VEZF1: variants seen among roughly 807,000 people sequenced by gnomAD.
VEZF1 encodes the protein vascular endothelial zinc finger 1, also known as putative transcription factor DB1.
VEZF1 carries 5 observed loss-of-function variants against 44.1 expected under a neutral mutation model. That is an observed-to-expected ratio of 0.11 (90% CI 0.06 to 0.24). VEZF1 has a LOEUF of 0.24. VEZF1 is among the 10% of genes least tolerant of loss of function. VEZF1 has a pLI of 1.00. For missense variants in VEZF1, 358 were observed against 641.8 expected (o/e 0.56, Z 4.78); for synonymous variants, 236 against 233.1 (o/e 1.01, Z -0.11).
intron 1 of VEZF1, among the ~76,000 whole-genome samples, chr17:57,984,135 C>CA (rs2075275107): frequency 6.6e-6 from 1 of 152,194 alleles, no homozygotes; most frequent in African/African-American, 2.4e-5. Flanking sequence ...CCCAAACTCT[C>CA]AAAGACAGAC....
intron 5 of VEZF1, among the ~76,000 whole-genome samples, chr17:57,975,990 G>T (rs1393848829): frequency 1.3e-5 from 2 of 152,074 alleles, no homozygotes; most frequent in East Asian, 3.8e-4. Flanking sequence ...GTAGAGACTG[G>T]GTTTCGCCAC....
chr17:57,976,552 T>C (rs1180752791), intron 5 of VEZF1, among the ~76,000 whole-genome samples: 3 of 152,224 alleles, frequency 2.0e-5, no homozygotes, highest in African/African-American at 4.8e-5. Flanking sequence ...TGAAAACTTA[T>C]GTTACCTTAT....
chr17:57,974,920 G>A lies in VEZF1; in HGVS notation c.1139-20C>T. On this transcript the variant is annotated intron_variant, in intron 5 of 5. Coordinates refer to ENST00000581208, the MANE Select transcript of VEZF1 (RefSeq NM_007146.3). ...CAGCTTCTAAAATAAGAAGAAAAAG[G>A]GTCTTTAGATTCTCAAAACAGTGAG... The A allele has an allele frequency of 6.3e-7, 1 of 1,591,704 alleles. No individual in the cohort carries two copies. The highest frequency in any genetic ancestry group is 8.6e-7 in the Non-Finnish European group (1 of 1,164,822).
At chr17:57,982,468 G>C (rs140161645) in intron 2 of VEZF1, among the ~76,000 whole-genome samples, 1 of 151,976 alleles carries the variant, frequency 6.6e-6, no homozygotes, top group African/African-American at 2.4e-5. Flanking sequence ...TGAGTCCACC[G>C]AGGCACTTGT....
intron 1 of VEZF1, among the ~76,000 whole-genome samples, chr17:57,983,833 T>C (rs941607644): frequency 2.4e-4 from 37 of 152,308 alleles, no homozygotes; most frequent in African/African-American, 8.4e-4. Context: ...ATCATCTATT[T>C]GTCTATTATC....
chr17:57,975,905 C>T (rs1369342062), intron 5 of VEZF1, among the ~76,000 whole-genome samples: 1 of 152,172 alleles, frequency 6.6e-6, no homozygotes, highest in Admixed American at 6.5e-5. Flanking sequence ...CTCAAGCAAT[C>T]CTCCCACTTT....
chr17:57,985,422 C>A, intron 1 of VEZF1: 4 of 1,224,594 alleles, frequency 3.3e-6, no homozygotes, highest in Non-Finnish European at 4.1e-6. Flanking sequence ...CACACTTCTA[C>A]AAGAAGCCTT....
intron 1 of VEZF1, 73 bp from the exon 2 acceptor site, chr17:57,983,466 A>C (rs781728423): frequency 3.5e-5 from 46 of 1,318,266 alleles, no homozygotes; most frequent in Non-Finnish European, 4.6e-5. Flanking sequence ...TGCTCCAGAC[A>C]ATAGAGACCA....
chr17:57,980,676 G>A lies in VEZF1; in HGVS notation c.903C>T (p.Ile301=). 6.2e-7 allele frequency: 1 copy of A among 1,614,076 alleles called. No homozygotes were observed. Among genetic ancestry groups the A allele is most frequent in the East Asian group, 2.2e-5 (1 of 44,878 alleles). The change falls in exon 4 of 6, where the codon ATC becomes ATT. Residue 301 remains isoleucine, a synonymous_variant. Transcript: ENST00000581208. ...GCCCATGAGTCTTTAAGTGGCTGGTGATGTATGCTGCACTCAGGAGCTTCC... is the reference window on the plus strand; with the variant it reads ...GCCCATGAGTCTTTAAGTGGCTGGTAATGTATGCTGCACTCAGGAGCTTCC... ...ICGKLLSAAY[I]TSHLKTHGQS...
chr17:57,977,857 A>G (rs550980432), intron 5 of VEZF1, among the ~76,000 whole-genome samples: 8,776 of 151,654 alleles, frequency 0.058, 785 homozygotes, highest in African/African-American at 0.19. Context: ...AAAAAGAAAA[A>G]AAAAAAAAAA....
At chr17:57,975,583 C>T (rs1454198985) in intron 5 of VEZF1, among the ~76,000 whole-genome samples, 1 of 152,184 alleles carries the variant, frequency 6.6e-6, no homozygotes, top group Non-Finnish European at 1.5e-5. Flanking sequence ...TGTTTCTTAA[C>T]TACATTAGGA....
In VEZF1 at chr17:57,979,224, C is replaced by T. The variant is rs758785446; in HGVS notation, c.1066G>A (p.Val356Met). 1.2e-6 allele frequency: 2 copies of T among 1,611,834 alleles called. No individual in the cohort carries two copies. The highest frequency in any genetic ancestry group is 1.4e-5 in the African/African-American group (1 of 73,648). ...QQQQQQQQQHVTSWPGKQVET... is the reference protein window; with the variant it reads ...QQQQQQQQQHMTSWPGKQVET... ...ACTTGCTTCCCTGGCCAGCTTGTCA[C>T]ATGTTGTTGTTGTTGTTGTTGCTGC... Residue 356 changes from valine (V) to methionine (M), a missense_variant, in exon 5 of 6, where the codon GTG becomes ATG. Coordinates refer to ENST00000581208, the MANE Select transcript of VEZF1 (RefSeq NM_007146.3).
chr17:57,979,970 C>CAAAAAAAAAAA (rs11359148), intron 4 of VEZF1, among the ~76,000 whole-genome samples: 25 of 68,392 alleles, frequency 3.7e-4, no homozygotes, highest in East Asian at 5.9e-4. Flanking sequence ...GACTCCGTCT[C>CAAAAAAAAAAA]AAAAAAAAAA....
intron 1 of VEZF1, among the ~76,000 whole-genome samples, chr17:57,987,678 G>C (rs1376313422): frequency 6.6e-6 from 1 of 152,118 alleles, no homozygotes; most frequent in African/African-American, 2.4e-5. Flanking sequence ...CCCACCGTGG[G>C]GGACCGGGCC....
chr17:57,980,883 C>A, intron 3 of VEZF1, 97 bp from the exon 4 acceptor site: 2 of 1,191,848 alleles, frequency 1.7e-6, no homozygotes, highest in Admixed American at 2.5e-5. Context: ...TCCACATCAG[C>A]AAGCTGACAA....
chr17:57,980,261 G>T (rs1598046740), intron 4 of VEZF1, among the ~76,000 whole-genome samples: 1 of 152,284 alleles, frequency 6.6e-6, no homozygotes, highest in South Asian at 2.1e-4. Context: ...CTGGGTAAAT[G>T]CAAGTATTCT....
At chr17:57,985,319 C>T in intron 1 of VEZF1, 3 of 1,231,512 alleles carry the variant, frequency 2.4e-6, no homozygotes, top group Non-Finnish European at 3.0e-6. Flanking sequence ...CTGAAGCTCA[C>T]TCTCACAGGA....
At chr17:57,982,570 C>A in intron 2 of VEZF1, 129 bp downstream of exon 2, 1 of 880,436 alleles carries the variant, frequency 1.1e-6, no homozygotes, top group Non-Finnish European at 1.7e-6. Flanking sequence ...TTATCTATCA[C>A]CAATCTCCTC....
intron 5 of VEZF1, 119 bp from the exon 6 acceptor site, chr17:57,975,019 T>A: frequency 8.3e-7 from 1 of 1,201,992 alleles, no homozygotes. Flanking sequence ...AAATTCCAGT[T>A]TTCTATCAAG....
Sources: gnomAD v4.1 joint callset for allele counts (sites outside exome capture counted in the v4.1 genomes callset) on GRCh38, gnomAD v4.1.1 for gene constraint, MANE v1.5 for transcripts, NCBI Gene and HGNC (gene_info 2026-07-23, HGNC 2026-07-21) for gene names.